The following TGFA variants were observed in gnomAD, a reference collection of about 807,000 sequenced individuals.
The protein encoded by TGFA is transforming growth factor alpha, also known as protransforming growth factor alpha.
A neutral mutation model predicts 21.7 loss-of-function variants in TGFA; 12 were observed. That is an observed-to-expected ratio of 0.55 (90% CI 0.35 to 0.90). The LOEUF is 0.90. TGFA is among the 40% of genes least tolerant of loss of function. TGFA has a pLI of 0.01. For synonymous variants in TGFA, 79 were observed against 88.1 expected, an observed-to-expected ratio of 0.90 and a Z score of 0.58; for missense variants, 178 against 210.8, an observed-to-expected ratio of 0.84 and a Z score of 0.96.
chr2:70,545,569 A>G (rs1048580363), intron 1 of TGFA, among the ~76,000 whole-genome samples: 6 of 152,246 alleles, frequency 3.9e-5, no homozygotes, highest in African/African-American at 7.2e-5. Flanking sequence ...AAAAATGAAA[A>G]TGAGTTACAT....
chr2:70,535,004 G>C (rs1197786664), intron 1 of TGFA, among the ~76,000 whole-genome samples: 9 of 151,580 alleles, frequency 5.9e-5, no homozygotes, highest in African/African-American at 2.2e-4. Context: ...GAGGGAACTT[G>C]GGCAAGTCAC....
chr2:70,541,338 C>T (rs782538974), intron 1 of TGFA, among the ~76,000 whole-genome samples: 33 of 152,060 alleles, frequency 2.2e-4, no homozygotes, highest in African/African-American at 4.6e-4. Context: ...ATACTGTAAG[C>T]GAAAAGCAGA....
intron 2 of TGFA, among the ~76,000 whole-genome samples, chr2:70,479,519 A>G (rs1671045425): frequency 6.6e-6 from 1 of 152,236 alleles, no homozygotes; most frequent in Non-Finnish European, 1.5e-5. Context: ...TTCAATCTTA[A>G]GGACAAGTCT....
intron 2 of TGFA, among the ~76,000 whole-genome samples, chr2:70,466,942 C>A: frequency 6.6e-6 from 1 of 152,078 alleles, no homozygotes; most frequent in East Asian, 1.9e-4. Context: ...AGAGAAAAAC[C>A]AAACACTGCA....
chr2:70,457,580 T>G (rs1220812045), intron 3 of TGFA, among the ~76,000 whole-genome samples: 1 of 151,178 alleles, frequency 6.6e-6, no homozygotes, highest in Non-Finnish European at 1.5e-5. Context: ...CTCACTCTTG[T>G]GCCCAGCCTG....
intron 2 of TGFA, among the ~76,000 whole-genome samples, chr2:70,502,758 T>C (rs1023429618): frequency 6.6e-6 from 1 of 152,240 alleles, no homozygotes; most frequent in African/African-American, 2.4e-5. Context: ...TCAGATACCA[T>C]TTCTTACTTG....
intron 2 of TGFA, among the ~76,000 whole-genome samples, chr2:70,504,277 G>A (rs1671831651): frequency 6.6e-6 from 1 of 151,424 alleles, no homozygotes; most frequent in East Asian, 1.9e-4. Context: ...CTGTGTGGTG[G>A]CATGTGCCTG....
At chr2:70,479,958 T>C (rs1050382052) in intron 2 of TGFA, among the ~76,000 whole-genome samples, 1 of 152,230 alleles carries the variant, frequency 6.6e-6, no homozygotes, top group Non-Finnish European at 1.5e-5. Context: ...TGGCCAGCGA[T>C]TTCTTGCATC....
chr2:70,483,341 G>T (rs1394695028), intron 2 of TGFA, among the ~76,000 whole-genome samples: 1 of 152,152 alleles, frequency 6.6e-6, no homozygotes, highest in African/African-American at 2.4e-5. Flanking sequence ...AGTCAGAAAT[G>T]TATTTGTCTT....
chr2:70,501,643 C>G (rs1553499176), intron 2 of TGFA, among the ~76,000 whole-genome samples: 1 of 152,128 alleles, frequency 6.6e-6, no homozygotes. Context: ...CGTTGTCCCC[C>G]AGATGGTAAA....
chr2:70,506,555 A>G (rs1415342475), intron 2 of TGFA, among the ~76,000 whole-genome samples: 1 of 152,226 alleles, frequency 6.6e-6, no homozygotes, highest in African/African-American at 2.4e-5. Context: ...GTAACCATAA[A>G]GATACAGCTT....
chr2:70,522,991 G>C (rs74991656), intron 1 of TGFA, among the ~76,000 whole-genome samples: 2,528 of 152,224 alleles, frequency 0.017, 71 homozygotes, highest in African/African-American at 0.058. Context: ...TTGTTCAGTT[G>C]GGTGGTAAGT....
intron 2 of TGFA, among the ~76,000 whole-genome samples, chr2:70,486,220 G>A (rs1671267435): frequency 6.6e-6 from 1 of 152,098 alleles, no homozygotes; most frequent in Non-Finnish European, 1.5e-5. Context: ...AGACTTAGAT[G>A]GTGAAACAAT....
At chr2:70,544,520 T>C (rs1466995240) in intron 1 of TGFA, among the ~76,000 whole-genome samples, 1 of 152,060 alleles carries the variant, frequency 6.6e-6, no homozygotes, top group East Asian at 1.9e-4. Context: ...TTAGAATAGA[T>C]AGCAGGGGGA....
At chr2:70,501,953 C>T (rs1325132559) in intron 2 of TGFA, among the ~76,000 whole-genome samples, 4 of 152,248 alleles carry the variant, frequency 2.6e-5, no homozygotes, top group Non-Finnish European at 5.9e-5. Context: ...AACATGACTT[C>T]CTCAAGCAAA....
intron 3 of TGFA, among the ~76,000 whole-genome samples, chr2:70,464,123 C>T (rs538335784): frequency 3.2e-4 from 48 of 152,222 alleles, no homozygotes; most frequent in Non-Finnish European, 5.6e-4. Context: ...CTGACCACAC[C>T]GCCTACTGCA....
Position 70,450,948 on chromosome 2 carries a change from G to A in TGFA, c.476-82C>T, listed in dbSNP as rs1670034899. On this transcript the variant is annotated intron_variant, in intron 5 of 5. Transcript: ENST00000295400. Reference sequence around the variant, plus strand: ...AAAATAAGCTTAGGAAAGAGACTTGGAGATGGCAGAGCCAATGTCACCAAG... The same window carrying A: ...AAAATAAGCTTAGGAAAGAGACTTGAAGATGGCAGAGCCAATGTCACCAAG... 28 of 1,515,250 alleles carry A rather than the reference G, an allele frequency of 1.8e-5. No homozygotes were observed. In the South Asian group the frequency reaches 3.3e-4, roughly 18 times the overall value. The allele number at this position is 1,515,250 out of a possible 1,614,324, so 93.9% of individuals were successfully genotyped here.
chr2:70,530,615 T>A (rs1553503620), intron 1 of TGFA, among the ~76,000 whole-genome samples: 1 of 152,240 alleles, frequency 6.6e-6, no homozygotes. Flanking sequence ...ACAACCTTTG[T>A]CTAAGGTAAC....
rs2103645101 is a variant in TGFA, at chr2:70,449,574, A to ACATAGTGGAGGTGACTT, written c.*1268_*1284dup. The ACATAGTGGAGGTGACTT allele has an allele frequency of 3.6e-6, 1 of 277,558 alleles. No homozygotes were observed. The highest frequency in any genetic ancestry group is 7.4e-6 in the Non-Finnish European group (1 of 135,728). The allele number at this position is 277,558 out of a possible 1,614,324, so 17.2% of individuals were successfully genotyped here. A position where few individuals can be genotyped will look rare whatever the true frequency, so the allele number is the denominator to read the frequency against. ...TTCTCTTGAGGGGAAAGGAAGACCC[A>ACATAGTGGAGGTGACTT]CATAGTGGAGGTGACTTGTTAGAGT... On this transcript the variant is annotated 3_prime_UTR_variant, in exon 6 of 6. Transcript: ENST00000295400.
Sources: gnomAD v4.1 joint callset for allele counts (sites outside exome capture counted in the v4.1 genomes callset) on GRCh38, gnomAD v4.1.1 for gene constraint, MANE v1.5 for transcripts, NCBI Gene and HGNC (gene_info 2026-07-23, HGNC 2026-07-21) for gene names.